The following PPP2R2C variants were observed in gnomAD, a reference collection of about 807,000 sequenced individuals.
PPP2R2C encodes the protein protein phosphatase 2 regulatory subunit Bgamma, also known as protein phosphatase 2, regulatory subunit B, gamma.
Under a neutral mutation model 45.3 loss-of-function variants are expected in PPP2R2C, and 10 were observed. The observed-to-expected ratio is 0.22, with a 90% CI of 0.14 to 0.37. The LOEUF is 0.37. Among genes scored for constraint, PPP2R2C ranks in the 10% least tolerant of loss-of-function variants. PPP2R2C has a pLI of 1.00. For synonymous variants in PPP2R2C, 257 were observed against 245.4 expected (o/e 1.05, Z -0.44); for missense variants, 308 against 619.7 (o/e 0.50, Z 5.34).
intron 2 of PPP2R2C, among the ~76,000 whole-genome samples, chr4:6,511,535 T>G (rs1312806432): frequency 2.3e-5 from 1 of 43,832 alleles, no homozygotes; most frequent in Non-Finnish European, 5.6e-5. Flanking sequence ...ATGGTGGTGG[T>G]GGTGGTGGTG....
intron 1 of PPP2R2C, among the ~76,000 whole-genome samples, chr4:6,436,101 C>G (rs1719879313): frequency 6.6e-6 from 1 of 152,210 alleles, no homozygotes; most frequent in African/African-American, 2.4e-5. Context: ...CAAGAAGGCA[C>G]CATCTATGAA....
At chr4:6,336,958 G>A (rs1188890911) in intron 6 of PPP2R2C, among the ~76,000 whole-genome samples, 1 of 94,556 alleles carries the variant, frequency 1.1e-5, no homozygotes, top group Non-Finnish European at 2.2e-5. Context: ...CCCTGCCTGT[G>A]GAGGAGGATG....
At position 6,372,425 on chromosome 4, in the gene PPP2R2C, A is replaced by G. The variant is rs183150789; in HGVS notation, c.625+98T>C. ...ACTGAAGAAGTTAAACAATGCAGCC[A>G]TCCCCAAACCAGCTGTCTGCCAATC... On this transcript the variant is annotated intron_variant, in intron 5 of 8. Transcript: ENST00000382599. 1.2e-4 allele frequency: 162 copies of G among 1,335,660 alleles called. 2 individuals carry two copies. In the East Asian group the frequency reaches 3.4e-3, roughly 28 times the overall value. 82.7% of individuals were successfully genotyped at this position (1,335,660 alleles called of 1,614,324 possible). A position where few individuals can be genotyped will look rare whatever the true frequency, so the allele number is the denominator to read the frequency against.
At chr4:6,507,022 TC>T (rs1485709884) in intron 2 of PPP2R2C, among the ~76,000 whole-genome samples, 1 of 151,996 alleles carries the variant, frequency 6.6e-6, no homozygotes, top group Non-Finnish European at 1.5e-5. Flanking sequence ...GCCTCAGACA[TC>T]CTAGGAGGAG....
upstream of PPP2R2C, among the ~76,000 whole-genome samples, chr4:6,476,473 C>T (rs1017086251): frequency 2.6e-5 from 4 of 152,156 alleles, no homozygotes; most frequent in African/African-American, 9.7e-5. Flanking sequence ...GTCCCTCTCC[C>T]TCTCTCTCTG....
chr4:6,494,267 C>G (rs1170296497), intron 2 of PPP2R2C, among the ~76,000 whole-genome samples: 3 of 152,204 alleles, frequency 2.0e-5, no homozygotes, highest in African/African-American at 7.2e-5. Flanking sequence ...TGGTTCCTTA[C>G]CATAGGTCCC....
chr4:6,372,075 G>A (rs1270276690), intron 5 of PPP2R2C, among the ~76,000 whole-genome samples: 2 of 152,230 alleles, frequency 1.3e-5, no homozygotes, highest in African/African-American at 4.8e-5. Context: ...CTGACACCCT[G>A]GTTGTCACCC....
intron 1 of PPP2R2C, chr4:6,382,224 C>G (rs1715849572): frequency 1.7e-6 from 2 of 1,207,102 alleles, no homozygotes; most frequent in East Asian, 1.1e-4. Context: ...GCAGCAAAAG[C>G]TAGTAGGAGC....
At chr4:6,380,965 T>C (rs777262866) in intron 2 of PPP2R2C, 32 bp downstream of exon 2, 113 of 863,514 alleles carry the variant, frequency 1.3e-4, no homozygotes, top group South Asian at 6.1e-4. Context: ...TCCCCACCCC[T>C]CCCACCTCCC....
At chr4:6,511,393 A>ATGG (rs1241116275) in intron 2 of PPP2R2C, among the ~76,000 whole-genome samples, 12 of 123,638 alleles carry the variant, frequency 9.7e-5, no homozygotes, top group Admixed American at 8.3e-5. Context: ...GGTGATGGTG[A>ATGG]TGGTGGTGAT....
chr4:6,371,183 C>T (rs1401200017), intron 5 of PPP2R2C, among the ~76,000 whole-genome samples: 1 of 152,204 alleles, frequency 6.6e-6, no homozygotes, highest in Middle Eastern at 3.2e-3. Context: ...TTGAAGGTGG[C>T]AGTCAGACCC....
At chr4:6,473,841 C>T (rs545619568), upstream of PPP2R2C, among the ~76,000 whole-genome samples, 3 of 152,154 alleles carry the variant, frequency 2.0e-5, no homozygotes, top group Non-Finnish European at 2.9e-5. Flanking sequence ...CTACAGCTTT[C>T]GTGCCTTTGA....
At chr4:6,496,063 C>T (rs1334212324) in intron 2 of PPP2R2C, among the ~76,000 whole-genome samples, 1 of 152,192 alleles carries the variant, frequency 6.6e-6, no homozygotes, top group Non-Finnish European at 1.5e-5. Context: ...TAACCCCCCT[C>T]TCTTTTCTCT....
At chr4:6,474,302 G>A (rs1722058626), upstream of PPP2R2C, among the ~76,000 whole-genome samples, 1 of 151,964 alleles carries the variant, frequency 6.6e-6, no homozygotes, top group African/African-American at 2.4e-5. Flanking sequence ...GACAGGCTGG[G>A]TTCAAGTCCT....
rs534941379 is a variant in PPP2R2C at position 6,417,278 on chromosome 4, T to C, written c.71-36184A>G. ...AATGCTGCTTCTGAGAATATAAGTG[T>C]AGCCATCACCAGGCCCCATCCACGG... On this transcript the variant is annotated intron_variant, in intron 1 of 8. Coordinates refer to ENST00000382599, the MANE Select transcript of PPP2R2C (RefSeq NM_020416.4). Among the ~76,000 whole-genome samples, 53 of 152,162 alleles carry C rather than the reference T, an allele frequency of 3.5e-4. 1 individual carries two copies. The highest frequency in any genetic ancestry group is 6.9e-4 in the Non-Finnish European group (47 of 68,018).
At chr4:6,337,414 C>T (rs1284637065) in intron 6 of PPP2R2C, among the ~76,000 whole-genome samples, 2 of 151,946 alleles carry the variant, frequency 1.3e-5, no homozygotes, top group East Asian at 1.9e-4. Context: ...TGGCCCCCAG[C>T]ACCTGCCCAG....
At position 6,378,266 on chromosome 4, in the gene PPP2R2C, A is replaced by G; in HGVS notation, c.334+141T>C. 3 of 1,503,430 alleles carry G rather than the reference A, an allele frequency of 2.0e-6. No individual in the cohort carries two copies. Among genetic ancestry groups the G allele is most frequent in the Middle Eastern group, 2.5e-4 (1 of 4,034 alleles). The allele number at this position is 1,503,430 out of a possible 1,614,324, so 93.1% of individuals were successfully genotyped here. On this transcript the variant is annotated intron_variant, in intron 3 of 8. Transcript: ENST00000382599. The surrounding 1 kb of genome is among the most constrained non-coding windows in gnomAD (Gnocchi z 5.2). Reference sequence around the variant, plus strand: ...TGGCATACTCACTCATGGGATTTATATGCTGCTCAAAAAGGATATTATTTT... The same window carrying G: ...TGGCATACTCACTCATGGGATTTATGTGCTGCTCAAAAAGGATATTATTTT...
intron 5 of PPP2R2C, among the ~76,000 whole-genome samples, chr4:6,355,551 C>CAAAAA (rs566926127): frequency 0.015 from 1,198 of 78,898 alleles, 21 homozygotes; most frequent in African/African-American, 0.047. Context: ...ACAGAAAGCA[C>CAAAAA]AAAAAAAAAA....
chr4:6,492,219 G>A (rs1027907155), intron 2 of PPP2R2C, among the ~76,000 whole-genome samples: 3 of 152,160 alleles, frequency 2.0e-5, no homozygotes, highest in African/African-American at 7.2e-5. Flanking sequence ...GCCAGTAGCA[G>A]CTCCAAGGAC....
Sources: allele counts gnomAD v4.1 joint callset (sites outside exome capture counted in the v4.1 genomes callset), GRCh38; gene constraint gnomAD v4.1.1; non-coding constraint Gnocchi (gnomAD v3.1); transcripts MANE v1.5; gene names NCBI Gene and HGNC (gene_info 2026-07-23, HGNC 2026-07-21).